The following VRK2 variants were observed in gnomAD, a reference collection of about 807,000 sequenced individuals.
The protein encoded by VRK2 is VRK serine/threonine kinase 2, also known as serine/threonine-protein kinase VRK2.
In VRK2, 60 loss-of-function variants were observed where a neutral mutation model predicts 57.6. That is an observed-to-expected ratio of 1.04 (90% CI 0.85 to 1.29). The LOEUF is 1.29. VRK2 is among the 50% of genes most tolerant of loss of function. The pLI, the probability that VRK2 is intolerant of heterozygous loss-of-function variation, is 0.00. For missense variants in VRK2, 705 were observed against 588.1 expected, an observed-to-expected ratio of 1.20 and a Z score of -2.06; for synonymous variants, 231 against 199.2, an observed-to-expected ratio of 1.16 and a Z score of -1.35.
chr2:58,154,851 A>G (rs1683557111), intron 12 of VRK2: 1 of 683,714 alleles, frequency 1.5e-6, no homozygotes, highest in Admixed American at 2.3e-5. Flanking sequence ...TTTGTACTGC[A>G]TCCTGTAAAT....
intron 1 of VRK2, among the ~76,000 whole-genome samples, chr2:58,014,732 G>A (rs1558540932): frequency 6.6e-6 from 1 of 152,168 alleles, no homozygotes; most frequent in African/African-American, 2.4e-5. Flanking sequence ...AGCCTAGTAT[G>A]GGAAACTGAC....
intron 7 of VRK2, among the ~76,000 whole-genome samples, chr2:58,116,570 A>G (rs1437318871): frequency 3.3e-5 from 5 of 152,154 alleles, no homozygotes; most frequent in African/African-American, 1.2e-4. Context: ...TGGAGTGGGT[A>G]GCCTTCGTAT....
intron 1 of VRK2, among the ~76,000 whole-genome samples, chr2:57,955,507 C>T (rs1197456398): frequency 1.3e-5 from 2 of 152,060 alleles, no homozygotes; most frequent in Non-Finnish European, 2.9e-5. Flanking sequence ...AAAGATATAA[C>T]ACATATGGAA....
intron 12 of VRK2, among the ~76,000 whole-genome samples, chr2:58,159,090 A>ATTAC (rs972169660): frequency 3.3e-5 from 5 of 152,156 alleles, no homozygotes; most frequent in African/African-American, 9.6e-5. Flanking sequence ...TAGATTATAA[A>ATTAC]TTACTTAAGA....
chr2:58,028,630 G>A (rs1382479643), intron 2 of VRK2, among the ~76,000 whole-genome samples: 12 of 151,186 alleles, frequency 7.9e-5, no homozygotes, highest in East Asian at 2.0e-4. Context: ...GCAAACTATC[G>A]CAAGGACAAA....
chr2:58,125,683 A>G (rs1678233027), intron 8 of VRK2, among the ~76,000 whole-genome samples: 1 of 152,158 alleles, frequency 6.6e-6, no homozygotes, highest in South Asian at 2.1e-4. Context: ...CTAAAATTCT[A>G]GGCATATTGA....
intron 1 of VRK2, among the ~76,000 whole-genome samples, chr2:57,939,742 T>C (rs1019538867): frequency 1.6e-4 from 24 of 152,228 alleles, no homozygotes; most frequent in African/African-American, 5.8e-4. Context: ...CATTGTTAAC[T>C]ATTGAAGTTG....
At chr2:58,112,371 T>C (rs893306138) in intron 7 of VRK2, among the ~76,000 whole-genome samples, 2 of 152,202 alleles carry the variant, frequency 1.3e-5, no homozygotes, top group African/African-American at 4.8e-5. Context: ...TTTCTTCCCT[T>C]CCTTTACTTA....
chr2:57,953,072 C>G (rs906554571), intron 1 of VRK2, among the ~76,000 whole-genome samples: 1 of 152,138 alleles, frequency 6.6e-6, no homozygotes, highest in Non-Finnish European at 1.5e-5. Context: ...GTTGAGAAAC[C>G]TTAAAGACAA....
chr2:57,967,438 G>A (rs1671958111), intron 1 of VRK2, among the ~76,000 whole-genome samples: 1 of 151,528 alleles, frequency 6.6e-6, no homozygotes, highest in Non-Finnish European at 1.5e-5. Context: ...CACATCAGAA[G>A]GTTAAGCCAA....
chr2:58,058,276 G>T (rs558192043), intron 2 of VRK2: 4 of 451,186 alleles, frequency 8.9e-6, no homozygotes, highest in South Asian at 6.6e-5. Flanking sequence ...TGGGAATGAT[G>T]AATTTGCCTT....
At position 57,936,209 on chromosome 2, in the gene VRK2, T is replaced by C. The variant is rs561832649; in HGVS notation, c.-439+28370T>C. On this transcript the variant is annotated intron_variant, in intron 1 of 15. Transcript: ENST00000417641. ...AAGCCATGGGACCAAACTAAAACTTTAACTGTCCAGCTTACTTGCAATTTA... is the reference window on the plus strand; with the variant it reads ...AAGCCATGGGACCAAACTAAAACTTCAACTGTCCAGCTTACTTGCAATTTA... Among the ~76,000 whole-genome samples the C allele has an allele frequency of 2.0e-3, 311 of 152,362 alleles. 1 individual carries two copies. Among genetic ancestry groups the C allele is most frequent in the Non-Finnish European group, 3.2e-3 (219 of 68,034 alleles).
intron 1 of VRK2, among the ~76,000 whole-genome samples, chr2:57,915,485 T>G (rs2103892601): frequency 6.6e-6 from 1 of 152,224 alleles, no homozygotes; most frequent in Admixed American, 6.5e-5. Context: ...GATACAATAA[T>G]TATATACATA....
intron 2 of VRK2, among the ~76,000 whole-genome samples, chr2:58,083,477 A>G (rs1041597541): frequency 2.5e-4 from 38 of 151,918 alleles, no homozygotes; most frequent in Admixed American, 2.5e-3. Context: ...AAATGAAGTA[A>G]GGTAACTTGA....
rs773924519 is a variant in VRK2, at chr2:58,146,360, C to G, written c.1068C>G (p.His356Gln). Residue 356 changes from histidine to glutamine, a missense_variant, in exon 12 of 13, where the codon CAC becomes CAG. Coordinates refer to ENST00000340157, the MANE Select transcript of VRK2 (RefSeq NM_006296.7). ...CAACAAAGCAAGTCAACAAGGCACA[C>G]AATAGGTTAATCGAAAAAAAAGTCC... ...KAATKQVNKA[H>Q]NRLIEKKVHS... is the part of the protein sequence containing the mutation. The G allele has an allele frequency of 2.5e-6, 4 of 1,611,204 alleles. No individual in the cohort carries two copies. Among genetic ancestry groups the G allele is most frequent in the Non-Finnish European group, 3.4e-6 (4 of 1,178,104 alleles).
intron 1 of VRK2, among the ~76,000 whole-genome samples, chr2:57,986,815 T>A (rs932434146): frequency 3.9e-5 from 6 of 152,112 alleles, no homozygotes; most frequent in African/African-American, 1.4e-4. Context: ...GCCAGGCTGG[T>A]CTCGAACTCC....
intron 12 of VRK2, among the ~76,000 whole-genome samples, chr2:58,147,534 C>A (rs1357740640): frequency 6.6e-6 from 1 of 151,814 alleles, no homozygotes; most frequent in East Asian, 1.9e-4. Flanking sequence ...ACCAAAATCA[C>A]CTGGTGTACA....
intron 1 of VRK2, among the ~76,000 whole-genome samples, chr2:57,914,653 C>T (rs958221311): frequency 6.6e-6 from 1 of 152,068 alleles, no homozygotes; most frequent in African/African-American, 2.4e-5. Context: ...TAAGGTCACT[C>T]TAATTACAGC....
chr2:57,910,973 A>G (rs577791933), intron 1 of VRK2, among the ~76,000 whole-genome samples: 1 of 152,140 alleles, frequency 6.6e-6, no homozygotes, highest in Admixed American at 6.5e-5. Flanking sequence ...TGAGCAATAA[A>G]CAGTATTGGG....
Sources: allele counts gnomAD v4.1 joint callset (sites outside exome capture counted in the v4.1 genomes callset), GRCh38; gene constraint gnomAD v4.1.1; transcripts MANE v1.5; gene names NCBI Gene and HGNC (gene_info 2026-07-23, HGNC 2026-07-21).